FOXP2: variants seen among roughly 807,000 people sequenced by gnomAD.
FOXP2 encodes the protein forkhead box protein P2.
Under a neutral mutation model 115.8 loss-of-function variants are expected in FOXP2, and 12 were observed. That is an observed-to-expected ratio of 0.10 (90% CI 0.07 to 0.17). FOXP2 has a LOEUF of 0.17. Ranked by LOEUF, FOXP2 falls within the 10% of genes least tolerant of loss-of-function variation. FOXP2 has a pLI of 1.00. For synonymous variants in FOXP2, 328 were observed against 297.7 expected (o/e 1.10, Z -1.05); for missense variants, 629 against 843.5 (o/e 0.75, Z 3.15).
At chr7:114,662,271 CAGTT>C (rs1391366696) in intron 14 of FOXP2, 85 bp downstream of exon 14, 22 of 1,569,170 alleles carry the variant, frequency 1.4e-5, no homozygotes, top group Admixed American at 3.4e-5. Context: ...GGTGGGGAGA[CAGTT>C]AGCTTAATGG....
At chr7:114,582,998 G>A (rs1407017826) in intron 3 of FOXP2, among the ~76,000 whole-genome samples, 3 of 152,100 alleles carry the variant, frequency 2.0e-5, no homozygotes, top group African/African-American at 7.2e-5. Context: ...GAACTAAAGT[G>A]TAAGGAAAAC....
intron 2 of FOXP2, among the ~76,000 whole-genome samples, chr7:114,496,862 G>A (rs926843838): frequency 7.2e-5 from 11 of 152,004 alleles, no homozygotes; most frequent in Non-Finnish European, 1.5e-4. Context: ...TGAAGGTTTT[G>A]TACTGTTTCA....
At chr7:114,143,819 C>CA (rs1007048810) in intron 1 of FOXP2, among the ~76,000 whole-genome samples, 2 of 144,878 alleles carry the variant, frequency 1.4e-5, no homozygotes, top group South Asian at 2.2e-4. Flanking sequence ...TGAATGTTTA[C>CA]TTTTTTTTTT....
At chr7:114,232,265 G>A (rs1041230692) in intron 1 of FOXP2, among the ~76,000 whole-genome samples, 11 of 152,110 alleles carry the variant, frequency 7.2e-5, no homozygotes, top group African/African-American at 2.7e-4. Context: ...ACTGTTGGTG[G>A]GAATGTAAAA....
intron 1 of FOXP2, among the ~76,000 whole-genome samples, chr7:114,151,092 A>T (rs1234399216): frequency 1.3e-5 from 2 of 152,020 alleles, no homozygotes; most frequent in African/African-American, 4.8e-5. Flanking sequence ...TGGTATTTTA[A>T]TTCTTATTTG....
chr7:114,465,445 T>G (rs1795761111), intron 2 of FOXP2, among the ~76,000 whole-genome samples: 2 of 152,176 alleles, frequency 1.3e-5, no homozygotes, highest in African/African-American at 2.4e-5. Flanking sequence ...AGAAACTTAT[T>G]AGAGTGATTA....
intron 2 of FOXP2, among the ~76,000 whole-genome samples, chr7:114,506,613 T>A (rs1797829628): frequency 6.6e-6 from 1 of 151,662 alleles, no homozygotes; most frequent in South Asian, 2.1e-4. Context: ...TGTTTTCCCA[T>A]TTTTTATTTT....
chr7:114,274,993 T>C (rs954294046), intron 1 of FOXP2, among the ~76,000 whole-genome samples: 2 of 152,064 alleles, frequency 1.3e-5, no homozygotes, highest in African/African-American at 4.8e-5. Flanking sequence ...TCTCCTTGCT[T>C]GCATGGCTTA....
At chr7:114,273,185 T>C (rs1408851719) in intron 1 of FOXP2, among the ~76,000 whole-genome samples, 2 of 152,030 alleles carry the variant, frequency 1.3e-5, no homozygotes, top group Non-Finnish European at 2.9e-5. Context: ...CTCTTGAGGT[T>C]TCTTCATTGA....
chr7:114,316,156 A>G (rs1049916327), intron 2 of FOXP2, among the ~76,000 whole-genome samples: 1 of 152,102 alleles, frequency 6.6e-6, no homozygotes, highest in African/African-American at 2.4e-5. Context: ...GGCAACTCAA[A>G]TTTTTTGCTG....
intron 3 of FOXP2, among the ~76,000 whole-genome samples, chr7:114,558,306 A>T (rs1441420576): frequency 5.9e-5 from 9 of 152,230 alleles, no homozygotes; most frequent in African/African-American, 1.9e-4. Context: ...CTCATTCTGC[A>T]TTCTTCATAG....
intron 3 of FOXP2, among the ~76,000 whole-genome samples, chr7:114,540,347 T>C (rs1169667100): frequency 6.6e-6 from 1 of 152,100 alleles, no homozygotes; most frequent in East Asian, 1.9e-4. Flanking sequence ...TGCTCTTCTC[T>C]AGTGCCTAGC....
chr7:114,571,299 C>T (rs1419518742), intron 3 of FOXP2, among the ~76,000 whole-genome samples: 2 of 151,812 alleles, frequency 1.3e-5, no homozygotes, highest in African/African-American at 4.8e-5. Flanking sequence ...ATACCAAGGC[C>T]TTTTAAACAT....
intron 2 of FOXP2, among the ~76,000 whole-genome samples, chr7:114,369,779 A>C (rs1315327413): frequency 1.3e-5 from 2 of 152,164 alleles, no homozygotes; most frequent in Non-Finnish European, 2.9e-5. Flanking sequence ...AAATTTTATT[A>C]TACTGATTAT....
chr7:114,260,984 G>A (rs1303886511), intron 1 of FOXP2, among the ~76,000 whole-genome samples: 1 of 152,174 alleles, frequency 6.6e-6, no homozygotes, highest in Non-Finnish European at 1.5e-5. Context: ...AAAGGTGAAT[G>A]TCTGTATAAG....
intron 2 of FOXP2, among the ~76,000 whole-genome samples, chr7:114,385,776 A>G (rs866872239): frequency 1.4e-4 from 22 of 152,262 alleles, no homozygotes; most frequent in South Asian, 2.1e-4. Context: ...GGTCGCCAAA[A>G]TGTTACCGGA....
chr7:114,393,602 G>T (rs1792663783), intron 2 of FOXP2, among the ~76,000 whole-genome samples: 1 of 151,966 alleles, frequency 6.6e-6, no homozygotes, highest in Non-Finnish European at 1.5e-5. Flanking sequence ...CAGATGAAAG[G>T]TAAGGACATA....
intron 1 of FOXP2, among the ~76,000 whole-genome samples, chr7:114,280,103 A>C (rs1796290767): frequency 6.6e-6 from 1 of 151,292 alleles, no homozygotes; most frequent in Non-Finnish European, 1.5e-5. Flanking sequence ...TAAATAAATA[A>C]ATAAATAAAT....
chr7:114,619,534 T>A (rs11980684), intron 3 of FOXP2, among the ~76,000 whole-genome samples: 19,815 of 152,148 alleles, frequency 0.13, 1,567 homozygotes, highest in African/African-American at 0.21. Context: ...ATAACATATA[T>A]GTTTCATTGT....
Sources: allele counts gnomAD v4.1 joint callset (sites outside exome capture counted in the v4.1 genomes callset), GRCh38; gene constraint gnomAD v4.1.1; transcripts MANE v1.5; gene names NCBI Gene and HGNC (gene_info 2026-07-23, HGNC 2026-07-21).